NAV3: variants seen among roughly 807,000 people sequenced by gnomAD.
NAV3 encodes the protein pore membrane and/or filament interacting like protein 1.
A neutral mutation model predicts 244.7 loss-of-function variants in NAV3; 87 were observed. That is an observed-to-expected ratio of 0.36 (90% confidence interval 0.30 to 0.42). The LOEUF (loss-of-function observed/expected upper bound fraction) is 0.42. Ranked by LOEUF, NAV3 falls within the 20% of genes least tolerant of loss-of-function variation. NAV3 has a pLI of 1.00. For missense variants in NAV3, 2,663 were observed against 2,893.3 expected (o/e 0.92, Z 1.83); for synonymous variants, 1,126 against 1,042.2 (o/e 1.08, Z -1.55).
intron 2 of NAV3, among the ~76,000 whole-genome samples, chr12:77,761,217 T>C (rs1401568642): frequency 1.3e-5 from 2 of 152,016 alleles, no homozygotes; most frequent in African/African-American, 2.4e-5. Context: ...CACCACCGTG[T>C]CTGGCTAATT....
chr12:77,998,541 C>A, intron 7 of NAV3, 65 bp downstream of exon 7: 1 of 1,471,294 alleles, frequency 6.8e-7, no homozygotes, highest in Non-Finnish European at 9.1e-7. Context: ...CATGCTAAAT[C>A]TAATATTTGA....
At chr12:77,749,841 GACC>G (rs1352570778) in intron 2 of NAV3, among the ~76,000 whole-genome samples, 53 of 152,134 alleles carry the variant, frequency 3.5e-4, no homozygotes, top group Non-Finnish European at 1.5e-4. Flanking sequence ...AAAAGAGGCT[GACC>G]AGGTGTTTTC....
rs983866786 is a variant in NAV3 at position 78,212,271 on chromosome 12, T to C, written c.*1754T>C. On this transcript the variant is annotated 3_prime_UTR_variant, in exon 40 of 40. Coordinates refer to ENST00000397909, the MANE Select transcript of NAV3 (RefSeq NM_001024383.2). Reference sequence around the variant, plus strand: ...ACACAAAGGACAGGTTTTAAGTTTATGAAACCCAAGGGCTAGGCCATGGTA... The same window carrying C: ...ACACAAAGGACAGGTTTTAAGTTTACGAAACCCAAGGGCTAGGCCATGGTA... 6.6e-6 allele frequency: 1 copy of C among 152,622 alleles called. No homozygotes were observed. Among genetic ancestry groups the C allele is most frequent in the Non-Finnish European group, 1.5e-5 (1 of 68,036 alleles). 9.5% of individuals were successfully genotyped at this position (152,622 alleles called of 1,614,324 possible). A position where few individuals can be genotyped will look rare whatever the true frequency, so the allele number is the denominator to read the frequency against.
At chr12:78,035,745 A>G (rs991632417) in intron 9 of NAV3, among the ~76,000 whole-genome samples, 1 of 152,194 alleles carries the variant, frequency 6.6e-6, no homozygotes, top group Non-Finnish European at 1.5e-5. Context: ...GTTTTTACAA[A>G]AAGGCTGTAA....
intron 1 of NAV3, among the ~76,000 whole-genome samples, chr12:77,928,242 A>AAAAAAAAAAG (rs753246963): frequency 7.3e-6 from 1 of 137,878 alleles, no homozygotes. Context: ...AAAAAAAAAA[A>AAAAAAAAAAG]AGAGAGAGAG....
rs148855382 is a variant in NAV3, at chr12:77,952,218, G to A, written c.414+11085G>A. 9.2e-5 allele frequency among the ~76,000 whole-genome samples: 14 copies of A among 152,232 alleles called. No individual in the cohort carries two copies. In the East Asian group the frequency reaches 2.3e-3, roughly 25 times the overall value. On this transcript the variant is annotated intron_variant, in intron 3 of 39. Transcript: ENST00000397909. ...TTTGACACTGCTTTACAGGGCAGAAGTTTTTAATTTTTATGAAGTCCAGCT... is the reference window on the plus strand; with the variant it reads ...TTTGACACTGCTTTACAGGGCAGAAATTTTTAATTTTTATGAAGTCCAGCT...
chr12:78,170,902 A>G (rs946623173), intron 24 of NAV3, among the ~76,000 whole-genome samples: 1 of 151,668 alleles, frequency 6.6e-6, no homozygotes, highest in African/African-American at 2.4e-5. Flanking sequence ...TCCCTTCTTA[A>G]AATTACATTA....
At chr12:78,121,828 T>C in intron 15 of NAV3, 112 bp from the exon 16 acceptor site, 1 of 1,348,110 alleles carries the variant, frequency 7.4e-7, no homozygotes, top group South Asian at 1.4e-5. Flanking sequence ...AGGAAGTGCT[T>C]TGTAGTTCAG....
intron 20 of NAV3, among the ~76,000 whole-genome samples, chr12:78,141,262 C>T (rs1956599589): frequency 7.5e-6 from 1 of 133,230 alleles, no homozygotes; most frequent in South Asian, 2.3e-4. Flanking sequence ...CATTATAATT[C>T]ATTTTTGACA....
At chr12:78,183,154 A>G (rs1473510481) in intron 30 of NAV3, among the ~76,000 whole-genome samples, 3 of 151,966 alleles carry the variant, frequency 2.0e-5, no homozygotes, top group Admixed American at 6.6e-5. Flanking sequence ...CTTATTTTCT[A>G]GTAAAAAACA....
chr12:78,116,352 G>A lies in NAV3; in HGVS notation c.2637-420G>A, dbSNP rs1955377517. On this transcript the variant is annotated intron_variant, in intron 12 of 39. Coordinates refer to ENST00000397909, the MANE Select transcript of NAV3 (RefSeq NM_001024383.2). ...TAAGCTAGGAGGAAGAATGAGGAAT[G>A]ATTTTCTGGTTCCTGACTACAGCAC... is the stretch of plus-strand genomic sequence containing the variant. 1.3e-5 allele frequency among the ~76,000 whole-genome samples: 2 copies of A among 152,200 alleles called. 1 individual carries two copies. Among genetic ancestry groups the A allele is most frequent in the South Asian group, 4.1e-4 (2 of 4,832 alleles).
At chr12:77,665,945 G>T (rs908827876) in intron 2 of NAV3, among the ~76,000 whole-genome samples, 3 of 151,836 alleles carry the variant, frequency 2.0e-5, no homozygotes, top group Non-Finnish European at 1.5e-5. Flanking sequence ...TACACATTTC[G>T]CTTTAATTCA....
At chr12:77,689,149 A>T (rs1483523150) in intron 2 of NAV3, among the ~76,000 whole-genome samples, 1 of 151,976 alleles carries the variant, frequency 6.6e-6, no homozygotes, top group Non-Finnish European at 1.5e-5. Context: ...TCCAAGCATT[A>T]ACAAGTCTAA....
chr12:77,940,739 G>A (rs79885552), intron 2 of NAV3, among the ~76,000 whole-genome samples: 3,431 of 152,174 alleles, frequency 0.023, 134 homozygotes, highest in African/African-American at 0.074. Context: ...TGTGTATTTC[G>A]TTAGCTGGAG....
chr12:77,969,999 A>G (rs1216116434), intron 5 of NAV3, among the ~76,000 whole-genome samples: 1 of 152,212 alleles, frequency 6.6e-6, no homozygotes, highest in East Asian at 1.9e-4. Flanking sequence ...AATAATTTAG[A>G]CTATAGTCTA....
chr12:77,693,730 G>A (rs1303790427), intron 2 of NAV3, among the ~76,000 whole-genome samples: 1 of 152,026 alleles, frequency 6.6e-6, no homozygotes, highest in Non-Finnish European at 1.5e-5. Context: ...GCTTGTGCTG[G>A]TAGTTAATGT....
At chr12:77,857,514 C>A (rs1322880949) in intron 1 of NAV3, among the ~76,000 whole-genome samples, 1 of 151,364 alleles carries the variant, frequency 6.6e-6, no homozygotes, top group Non-Finnish European at 1.5e-5. Context: ...TAATGAATTC[C>A]ATTTCTTTCA....
chr12:77,992,624 G>A (rs1384017418), intron 5 of NAV3, among the ~76,000 whole-genome samples: 1 of 152,136 alleles, frequency 6.6e-6, no homozygotes, highest in African/African-American at 2.4e-5. Flanking sequence ...TATGAACAGA[G>A]GTTAATTTAA....
intron 12 of NAV3, among the ~76,000 whole-genome samples, chr12:78,097,235 A>G (rs1314627909): frequency 1.3e-5 from 2 of 152,168 alleles, no homozygotes; most frequent in Admixed American, 6.5e-5. Flanking sequence ...TCCCTTTTCA[A>G]GTTGAATCCC....
Sources: allele counts gnomAD v4.1 joint callset (sites outside exome capture counted in the v4.1 genomes callset), GRCh38; gene constraint gnomAD v4.1.1; transcripts MANE v1.5; gene names NCBI Gene and HGNC (gene_info 2026-07-23, HGNC 2026-07-21).